The following RBFOX1 variants were observed in gnomAD, a reference collection of about 807,000 sequenced individuals.
RBFOX1 encodes RNA binding fox-1 homolog 1, also known as RNA binding protein fox-1 homolog 1.
Under a neutral mutation model 57.7 loss-of-function variants are expected in RBFOX1, and 8 were observed. The observed-to-expected ratio is 0.14, with a 90% CI of 0.08 to 0.25. The LOEUF (loss-of-function observed/expected upper bound fraction) is 0.25, where lower values mean the gene tolerates loss of function less well. Ranked by LOEUF, RBFOX1 falls within the 10% of genes least tolerant of loss-of-function variation. RBFOX1 has a pLI of 1.00. For synonymous variants in RBFOX1, 326 were observed against 222.4 expected (o/e 1.47, Z -4.15); for missense variants, 611 against 548.5 (o/e 1.11, Z -1.14).
intron 3 of RBFOX1, among the ~76,000 whole-genome samples, chr16:6,849,890 A>ATCTCCC (rs2141919737): frequency 6.6e-6 from 1 of 152,182 alleles, no homozygotes; most frequent in South Asian, 2.1e-4. Flanking sequence ...CCTGATTTAT[A>ATCTCCC]ATTATTTGTG....
rs572568566 is a variant in RBFOX1 at position 7,007,509 on chromosome 16, G to C, written c.-15-44548G>C. On this transcript the variant is annotated intron_variant, in intron 3 of 15. Transcript: ENST00000550418. ...GTCATGTCACGCATCGTATTGACAG[G>C]TTCTGGGGATTAGGACATGGGTATC... Among the ~76,000 whole-genome samples, 7 of 152,262 alleles carry C rather than the reference G, an allele frequency of 4.6e-5. No homozygotes were observed. The South Asian group carries it at 6.2e-4, about 14-fold the overall frequency.
At chr16:7,188,796 T>C (rs915244562) in intron 4 of RBFOX1, among the ~76,000 whole-genome samples, 37 of 152,278 alleles carry the variant, frequency 2.4e-4, no homozygotes, top group African/African-American at 8.7e-4. Context: ...TAGGGCATGC[T>C]ACGAAGGAAC....
At chr16:6,227,794 A>G (rs188559006) in intron 1 of RBFOX1, among the ~76,000 whole-genome samples, 160 of 152,348 alleles carry the variant, frequency 1.1e-3, no homozygotes, top group African/African-American at 3.7e-3. Flanking sequence ...CTAACTATAG[A>G]AATCCTTAAC....
At chr16:5,493,905 C>G (rs538507175) in intron 2 of RBFOX1, among the ~76,000 whole-genome samples, 5 of 152,058 alleles carry the variant, frequency 3.3e-5, no homozygotes, top group Admixed American at 2.6e-4. Flanking sequence ...TCATTTGTAG[C>G]TGTCTCAAAG....
rs373032267 is a variant in RBFOX1, at chr16:7,496,747, G to GGAAAAA, written c.28-21400_28-21399insGAAAAA. On this transcript the variant is annotated intron_variant, in intron 4 of 15. Coordinates refer to ENST00000550418, the MANE Select transcript of RBFOX1 (RefSeq NM_018723.4). ...TTCTCATAGAAAAGACTACAGAACA[G>GGAAAAA]AAAAAAAAAAAACAGTTTGCATTGT... Among the ~76,000 whole-genome samples, 1,162 of 127,488 alleles carry GGAAAAA rather than the reference G, an allele frequency of 9.1e-3. 34 individuals are homozygous for GGAAAAA. Among genetic ancestry groups the GGAAAAA allele is most frequent in the African/African-American group, 0.032 (1,107 of 34,076 alleles). The allele number at this position is 127,488 out of a possible 152,430, so 83.6% of individuals were successfully genotyped here.
chr16:7,016,049 T>C (rs766277253), intron 3 of RBFOX1, among the ~76,000 whole-genome samples: 2 of 152,152 alleles, frequency 1.3e-5, no homozygotes, highest in African/African-American at 4.8e-5. Context: ...TAGTCACTCA[T>C]TGCAGTTAAG....
At chr16:5,307,391 C>T (rs2063966224) in intron 1 of RBFOX1, among the ~76,000 whole-genome samples, 1 of 152,190 alleles carries the variant, frequency 6.6e-6, no homozygotes, top group Non-Finnish European at 1.5e-5. Context: ...TCCCTCCCTC[C>T]ATTTAAAAAT....
At chr16:5,638,715 C>T (rs1446600839) in intron 3 of RBFOX1, among the ~76,000 whole-genome samples, 2 of 152,136 alleles carry the variant, frequency 1.3e-5, no homozygotes, top group Non-Finnish European at 2.9e-5. Flanking sequence ...CTGTCTGTCC[C>T]CACAGACACT....
intron 4 of RBFOX1, among the ~76,000 whole-genome samples, chr16:7,312,285 C>A (rs1395505618): frequency 6.6e-6 from 1 of 152,172 alleles, no homozygotes; most frequent in Non-Finnish European, 1.5e-5. Context: ...GAGGCTGAGG[C>A]AGGAGAATCA....
intron 2 of RBFOX1, among the ~76,000 whole-genome samples, chr16:6,496,733 G>A (rs2095781391): frequency 6.6e-6 from 1 of 152,168 alleles, no homozygotes; most frequent in South Asian, 2.1e-4. Context: ...GCCAGGGTGG[G>A]TGGATCGCTT....
chr16:7,001,463 T>C (rs1375509092), intron 3 of RBFOX1, among the ~76,000 whole-genome samples: 1 of 151,986 alleles, frequency 6.6e-6, no homozygotes, highest in African/African-American at 2.4e-5. Flanking sequence ...TGTATACGTG[T>C]ATGTATATTT....
intron 2 of RBFOX1, among the ~76,000 whole-genome samples, chr16:6,615,535 T>G (rs916989906): frequency 2.7e-5 from 4 of 149,054 alleles, no homozygotes; most frequent in African/African-American, 9.9e-5. Context: ...GCACCACATC[T>G]CTCCATCCTG....
chr16:6,517,508 G>C (rs1392767287), intron 2 of RBFOX1, among the ~76,000 whole-genome samples: 1 of 152,004 alleles, frequency 6.6e-6, no homozygotes, highest in Non-Finnish European at 1.5e-5. Flanking sequence ...CTTCTCTTTG[G>C]CAGCACTTCT....
chr16:6,031,378 G>T (rs2095286890), intron 1 of RBFOX1, among the ~76,000 whole-genome samples: 1 of 152,230 alleles, frequency 6.6e-6, no homozygotes, highest in African/African-American at 2.4e-5. Flanking sequence ...AGAACAGGCA[G>T]CCTTGCTCTC....
At chr16:5,330,588 A>G (rs1005500760) in intron 1 of RBFOX1, among the ~76,000 whole-genome samples, 2 of 152,042 alleles carry the variant, frequency 1.3e-5, no homozygotes, top group African/African-American at 4.8e-5. Flanking sequence ...TATTTCTAGT[A>G]GAGATGGAGA....
chr16:7,623,650 T>G (rs2059645228), intron 10 of RBFOX1, among the ~76,000 whole-genome samples: 2 of 152,186 alleles, frequency 1.3e-5, no homozygotes, highest in African/African-American at 4.8e-5. Context: ...CCTCCTGCTG[T>G]GTGGCCCAGT....
chr16:7,466,669 T>A (rs1248139193), intron 4 of RBFOX1, among the ~76,000 whole-genome samples: 2 of 152,226 alleles, frequency 1.3e-5, no homozygotes, highest in African/African-American at 2.4e-5. Context: ...AATCTCAGTG[T>A]CCACATCTGT....
intron 4 of RBFOX1, among the ~76,000 whole-genome samples, chr16:7,231,931 A>G (rs1021664059): frequency 5.3e-5 from 8 of 152,190 alleles, no homozygotes; most frequent in Non-Finnish European, 7.3e-5. Context: ...TTAAATAGGT[A>G]CAGATTTTGT....
chr16:6,404,990 A>G (rs7194385), intron 2 of RBFOX1, among the ~76,000 whole-genome samples: 1 of 152,086 alleles, frequency 6.6e-6, no homozygotes, highest in Non-Finnish European at 1.5e-5. Context: ...AGAACTTCGA[A>G]CTAATTCTAG....
Sources: gnomAD v4.1 joint callset for allele counts (sites outside exome capture counted in the v4.1 genomes callset) on GRCh38, gnomAD v4.1.1 for gene constraint, MANE v1.5 for transcripts, NCBI Gene and HGNC (gene_info 2026-07-23, HGNC 2026-07-21) for gene names.